TAF4B: variants seen among roughly 807,000 people sequenced by gnomAD.
TAF4B encodes the protein TATA-box binding protein associated factor 4b.
A neutral mutation model predicts 86.4 loss-of-function variants in TAF4B; 38 were observed. The observed-to-expected ratio is 0.44, with a 90% CI of 0.34 to 0.58. The LOEUF (loss-of-function observed/expected upper bound fraction) is 0.58. Among genes scored for constraint, TAF4B ranks in the 20% least tolerant of loss-of-function variants. TAF4B has a pLI of 0.02. For synonymous variants in TAF4B, 388 were observed against 391.2 expected, an observed-to-expected ratio of 0.99 and a Z score of 0.10; for missense variants, 988 against 1,027.6, an observed-to-expected ratio of 0.96 and a Z score of 0.53.
intron 1 of TAF4B, among the ~76,000 whole-genome samples, chr18:26,239,299 G>A (rs1360696531): frequency 6.6e-6 from 1 of 152,068 alleles, no homozygotes; most frequent in Non-Finnish European, 1.5e-5. Context: ...GTGTGAGATG[G>A]TATCTCATTG....
intron 14 of TAF4B, among the ~76,000 whole-genome samples, chr18:26,358,831 A>T (rs988736032): frequency 1.3e-5 from 2 of 152,234 alleles, no homozygotes; most frequent in African/African-American, 4.8e-5. Flanking sequence ...GCCATAGCTC[A>T]TCTTATACTT....
At chr18:26,231,350 T>G (rs1446318245) in intron 1 of TAF4B, among the ~76,000 whole-genome samples, 5 of 131,786 alleles carry the variant, frequency 3.8e-5, no homozygotes, top group Admixed American at 7.5e-5. Context: ...TTGGGGTTTT[T>G]TTTTTTTTTT....
chr18:26,322,529 T>C (rs1323119799), intron 11 of TAF4B, among the ~76,000 whole-genome samples: 2 of 152,148 alleles, frequency 1.3e-5, no homozygotes, highest in Non-Finnish European at 2.9e-5. Context: ...TTTGTTGGCA[T>C]AGGACTGTTA....
intron 5 of TAF4B, among the ~76,000 whole-genome samples, chr18:26,277,246 G>A (rs975150218): frequency 6.7e-4 from 102 of 152,140 alleles, no homozygotes; most frequent in African/African-American, 2.3e-3. Context: ...ACCACACCTG[G>A]CTAATTTTTT....
At chr18:26,281,906 A>G (rs1194356060) in intron 5 of TAF4B, 65 bp from the exon 6 acceptor site, 3 of 1,227,938 alleles carry the variant, frequency 2.4e-6, no homozygotes, top group South Asian at 1.3e-5. Flanking sequence ...ATCATGAATT[A>G]TATACTTTGT....
At chr18:26,344,896 T>C (rs1465143489) in intron 13 of TAF4B, among the ~76,000 whole-genome samples, 1 of 152,192 alleles carries the variant, frequency 6.6e-6, no homozygotes, top group Non-Finnish European at 1.5e-5. Context: ...TCTACAGTCC[T>C]GTCTTCCCCA....
At chr18:26,335,761 C>T (rs1285819040) in intron 13 of TAF4B, among the ~76,000 whole-genome samples, 2 of 152,246 alleles carry the variant, frequency 1.3e-5, no homozygotes, top group East Asian at 3.9e-4. Context: ...ATAGCTTAGA[C>T]TGGTTAAGCT....
intron 9 of TAF4B, among the ~76,000 whole-genome samples, chr18:26,311,837 T>G (rs1342940863): frequency 6.6e-6 from 1 of 151,738 alleles, no homozygotes; most frequent in Non-Finnish European, 1.5e-5. Context: ...TGACTGACTT[T>G]ACTTTAGAAG....
In TAF4B at chr18:26,264,319, T is replaced by C. The variant is rs146446332; in HGVS notation, c.344-851T>C. 8.0e-3 allele frequency among the ~76,000 whole-genome samples: 1,217 copies of C among 152,296 alleles called. 9 individuals are homozygous for C. The highest frequency in any genetic ancestry group is 0.013 in the Non-Finnish European group (867 of 68,018). Reference sequence around the variant, plus strand: ...AGCTGGGCATGGTGGTGCATGCCTGTAATCCCAGCTACTGGGGAGGGTGAG... The same window carrying C: ...AGCTGGGCATGGTGGTGCATGCCTGCAATCCCAGCTACTGGGGAGGGTGAG... On this transcript the variant is annotated intron_variant, in intron 1 of 14. Transcript: ENST00000269142.
At chr18:26,325,718 A>G (rs1285467481) in intron 11 of TAF4B, among the ~76,000 whole-genome samples, 1 of 152,234 alleles carries the variant, frequency 6.6e-6, no homozygotes, top group Non-Finnish European at 1.5e-5. Context: ...AAGATTAAGT[A>G]TTTAAGAAAC....
At chr18:26,359,802 A>G (rs760004382) in intron 14 of TAF4B, among the ~76,000 whole-genome samples, 4 of 152,002 alleles carry the variant, frequency 2.6e-5, no homozygotes, top group African/African-American at 7.3e-5. Context: ...TGCAGCCTCA[A>G]CTTCCTGGGC....
chr18:26,307,872 G>A (rs1351512428), intron 9 of TAF4B, among the ~76,000 whole-genome samples: 5 of 152,170 alleles, frequency 3.3e-5, no homozygotes. Context: ...CACTCTGGGA[G>A]GCTGAGTTGG....
chr18:26,304,695 G>GT (rs1433507389), intron 9 of TAF4B: 1 of 984,744 alleles, frequency 1.0e-6, no homozygotes, highest in Non-Finnish European at 1.2e-6. Context: ...GCTAGCCACA[G>GT]TCATTTGCCC....
At position 26,267,637 on chromosome 18, in the gene TAF4B, G is replaced by A. The variant is rs751167051; in HGVS notation, c.597+14G>A. ...TCCTCAGTACAAGTAAGTTGTGCTGGCCATTCGTGCACTTGTTGTTCTCTT... is the reference window on the plus strand; with the variant it reads ...TCCTCAGTACAAGTAAGTTGTGCTGACCATTCGTGCACTTGTTGTTCTCTT... On this transcript the variant is annotated intron_variant, in intron 3 of 14. Transcript: ENST00000269142. The A allele has an allele frequency of 3.2e-6, 5 of 1,542,404 alleles. No homozygotes were observed. The highest frequency in any genetic ancestry group is 1.7e-4 in the Middle Eastern group (1 of 5,910).
chr18:26,338,346 G>A (rs2057109167), intron 13 of TAF4B, among the ~76,000 whole-genome samples: 1 of 151,990 alleles, frequency 6.6e-6, no homozygotes, highest in Non-Finnish European at 1.5e-5. Flanking sequence ...TTACTCAGGA[G>A]TCTGAGACAT....
chr18:26,335,914 C>T lies in TAF4B; in HGVS notation c.2316+683C>T, dbSNP rs551331857. ...TTTCTAGCCCCAGAGAAAAAAGCTC[C>T]ACTAATTGGAGCTTATTTTAATTGA... On this transcript the variant is annotated intron_variant, in intron 13 of 14. Coordinates refer to ENST00000269142, the MANE Select transcript of TAF4B (RefSeq NM_005640.3). 3.3e-5 allele frequency among the ~76,000 whole-genome samples: 5 copies of T among 152,126 alleles called. No individual in the cohort carries two copies. The South Asian group carries it at 1.0e-3, about 32-fold the overall frequency.
intron 7 of TAF4B, 98 bp downstream of exon 7, chr18:26,286,597 C>G: frequency 7.5e-7 from 1 of 1,327,428 alleles, no homozygotes; most frequent in African/African-American, 1.5e-5. Flanking sequence ...AGGCTATATA[C>G]TGTTTACGGG....
At chr18:26,258,551 C>G (rs2056118906) in intron 1 of TAF4B, among the ~76,000 whole-genome samples, 1 of 152,188 alleles carries the variant, frequency 6.6e-6, no homozygotes, top group East Asian at 1.9e-4. Context: ...ATTTATACTG[C>G]CAAATTACAT....
intron 2 of TAF4B, chr18:26,266,816 C>G (rs2056246328): frequency 1.3e-5 from 2 of 151,986 alleles, no homozygotes; most frequent in Admixed American, 6.6e-5. Flanking sequence ...GAGCCGAGAT[C>G]GTGCCACCTC....
Sources: allele counts gnomAD v4.1 joint callset (sites outside exome capture counted in the v4.1 genomes callset), GRCh38; gene constraint gnomAD v4.1.1; transcripts MANE v1.5; gene names NCBI Gene and HGNC (gene_info 2026-07-23, HGNC 2026-07-21).